GSTCD: variants seen among roughly 807,000 people sequenced by gnomAD.
The protein encoded by GSTCD is glutathione S-transferase C-terminal domain-containing protein.
GSTCD carries 44 observed loss-of-function variants against 68.3 expected under a neutral mutation model. That is an observed-to-expected ratio of 0.64 (90% CI 0.51 to 0.83). GSTCD has a LOEUF of 0.83. Ranked by LOEUF, GSTCD falls within the 40% of genes least tolerant of loss-of-function variation. The probability of loss-of-function intolerance (pLI) is 0.00; values close to 1 mark genes in which losing one functional copy is unlikely to be tolerated. For missense variants in GSTCD, 739 were observed against 735.9 expected (o/e 1.00, Z -0.05); for synonymous variants, 273 against 255.2 (o/e 1.07, Z -0.67).
chr4:105,815,772 AAAG>A (rs1578500801), intron 5 of GSTCD, among the ~76,000 whole-genome samples: 1 of 152,288 alleles, frequency 6.6e-6, no homozygotes, highest in East Asian at 1.9e-4. Context: ...AAAAGAGGGA[AAAG>A]AAGTAAATAC....
At chr4:105,818,883 A>C (rs1460319093) in intron 5 of GSTCD, among the ~76,000 whole-genome samples, 1 of 151,780 alleles carries the variant, frequency 6.6e-6, no homozygotes, top group Non-Finnish European at 1.5e-5. Flanking sequence ...ACTTAATGGC[A>C]GAGAGCATCA....
chr4:105,819,363 T>C (rs955123975), intron 5 of GSTCD, among the ~76,000 whole-genome samples: 2 of 151,846 alleles, frequency 1.3e-5, no homozygotes, highest in African/African-American at 4.8e-5. Flanking sequence ...TCTCAAGACA[T>C]TTCTATTTTA....
rs562389853 is a variant in GSTCD at position 105,729,685 on chromosome 4, C to T, written c.1240+186C>T. Among the ~76,000 whole-genome samples, 19 of 152,192 alleles carry T rather than the reference C, an allele frequency of 1.2e-4. No individual in the cohort carries two copies. The South Asian group carries it at 3.5e-3, about 28-fold the overall frequency. ...CACCACTTAGATTTAATATTTCTCACATTTTTCTACATTTGTTTTATTTGT... is the reference window on the plus strand; with the variant it reads ...CACCACTTAGATTTAATATTTCTCATATTTTTCTACATTTGTTTTATTTGT... On this transcript the variant is annotated intron_variant, in intron 5 of 11. Transcript: ENST00000515279.
At chr4:105,725,071 A>AATTGAAT (rs145223023) in intron 3 of GSTCD, among the ~76,000 whole-genome samples, 19,098 of 151,958 alleles carry the variant, frequency 0.13, 1,671 homozygotes, top group African/African-American at 0.25. Context: ...AGATGTAGAC[A>AATTGAAT]ATTGAATATA....
intron 5 of GSTCD, among the ~76,000 whole-genome samples, chr4:105,783,694 A>C (rs1233775982): frequency 1.3e-5 from 2 of 152,188 alleles, no homozygotes; most frequent in African/African-American, 4.8e-5. Context: ...CAAAGTCAGG[A>C]ATTTTAATAT....
intron 5 of GSTCD, among the ~76,000 whole-genome samples, chr4:105,803,121 A>G (rs1418586128): frequency 6.6e-6 from 1 of 152,176 alleles, no homozygotes; most frequent in Non-Finnish European, 1.5e-5. Flanking sequence ...CAGCTAATGA[A>G]TGGGCCAAAT....
At chr4:105,756,843 A>T (rs1734216137) in intron 5 of GSTCD, among the ~76,000 whole-genome samples, 1 of 152,068 alleles carries the variant, frequency 6.6e-6, no homozygotes, top group Non-Finnish European at 1.5e-5. Flanking sequence ...AGTTACATGC[A>T]TTGTGTAATT....
intron 5 of GSTCD, among the ~76,000 whole-genome samples, chr4:105,810,497 T>G (rs952484754): frequency 2.0e-5 from 3 of 152,070 alleles, no homozygotes; most frequent in African/African-American, 7.2e-5. Flanking sequence ...TTATATTCTG[T>G]TTTTTTACTG....
At chr4:105,809,202 A>C (rs556818677) in intron 5 of GSTCD, among the ~76,000 whole-genome samples, 51 of 152,210 alleles carry the variant, frequency 3.4e-4, no homozygotes, top group African/African-American at 1.2e-3. Context: ...AATTATGGCC[A>C]TTTCAGTGTC....
chr4:105,726,210 G>A lies in GSTCD; in HGVS notation c.895-369G>A, dbSNP rs1346191288. Among the ~76,000 whole-genome samples, 3 of 152,064 alleles carry A rather than the reference G, an allele frequency of 2.0e-5. No individual in the cohort carries two copies. The East Asian group carries it at 5.8e-4, about 29-fold the overall frequency. On this transcript the variant is annotated intron_variant, in intron 3 of 11. Coordinates refer to ENST00000515279, the MANE Select transcript of GSTCD (RefSeq NM_001370181.1). Reference sequence around the variant, plus strand: ...CTAGTCATAATAAAAAGAAACAAACGATTGGTCAATGTAACTATATGGATT... The same window carrying A: ...CTAGTCATAATAAAAAGAAACAAACAATTGGTCAATGTAACTATATGGATT...
At chr4:105,726,915 A>C in intron 4 of GSTCD, 85 bp downstream of exon 4, 1 of 1,106,418 alleles carries the variant, frequency 9.0e-7, no homozygotes, top group Admixed American at 2.6e-5. Context: ...TCATTTGTTG[A>C]CATTATTTTT....
intron 5 of GSTCD, among the ~76,000 whole-genome samples, chr4:105,733,812 C>A (rs1733346314): frequency 6.6e-6 from 1 of 152,182 alleles, no homozygotes; most frequent in Non-Finnish European, 1.5e-5. Flanking sequence ...CATGTTTTTG[C>A]AGTGGCTGGT....
At chr4:105,769,124 T>C (rs998024156) in intron 5 of GSTCD, among the ~76,000 whole-genome samples, 2 of 152,028 alleles carry the variant, frequency 1.3e-5, no homozygotes, top group African/African-American at 4.8e-5. Context: ...AAATTTATAC[T>C]GACTAATAAT....
chr4:105,711,632 A>G (rs1328659000), intron 1 of GSTCD, among the ~76,000 whole-genome samples: 4 of 152,226 alleles, frequency 2.6e-5, no homozygotes, highest in Admixed American at 2.6e-4. Context: ...TCTGTATGGC[A>G]CACTACATGG....
intron 5 of GSTCD, among the ~76,000 whole-genome samples, chr4:105,730,623 T>C (rs1305732559): frequency 1.3e-5 from 2 of 152,178 alleles, no homozygotes; most frequent in Non-Finnish European, 2.9e-5. Flanking sequence ...TTTGAGTTCA[T>C]TGTAGATTCT....
At chr4:105,811,544 G>T in intron 5 of GSTCD, among the ~76,000 whole-genome samples, 1 of 106,896 alleles carries the variant, frequency 9.4e-6, no homozygotes, top group Non-Finnish European at 1.8e-5. Flanking sequence ...GGTGGGGGGA[G>T]GGGGGAGGGA....
chr4:105,841,567 G>A (rs1241397902), intron 10 of GSTCD, among the ~76,000 whole-genome samples: 1 of 152,058 alleles, frequency 6.6e-6, no homozygotes, highest in Non-Finnish European at 1.5e-5. Flanking sequence ...GGGCATGGTG[G>A]CTCATACCTG....
intron 4 of GSTCD, among the ~76,000 whole-genome samples, chr4:105,728,136 G>A (rs1733103122): frequency 6.6e-6 from 1 of 152,096 alleles, no homozygotes; most frequent in South Asian, 2.1e-4. Context: ...TTACTACACT[G>A]CCAAGGGACC....
In GSTCD at chr4:105,822,921, T is replaced by C. The variant is rs201519297; in HGVS notation, c.1241-33T>C. 6.1e-5 allele frequency: 90 copies of C among 1,484,832 alleles called. 1 individual carries two copies. In the East Asian group the frequency reaches 1.6e-3, roughly 26 times the overall value. The allele number at this position is 1,484,832 out of a possible 1,614,324, so 92.0% of individuals were successfully genotyped here. ...CTTCTTGTTCCCTCAAAATATATAA[T>C]GTTTTGTGTTCTTCATTTCTTGTCT... On this transcript the variant is annotated intron_variant, in intron 5 of 11. Coordinates refer to ENST00000515279, the MANE Select transcript of GSTCD (RefSeq NM_001370181.1).
Sources: allele counts gnomAD v4.1 joint callset (sites outside exome capture counted in the v4.1 genomes callset), GRCh38; gene constraint gnomAD v4.1.1; transcripts MANE v1.5; gene names NCBI Gene and HGNC (gene_info 2026-07-23, HGNC 2026-07-21).